Variants in DPP9 observed in about 807,000 individuals in gnomAD.
DPP9 encodes the protein dipeptidyl peptidase IV-related protein-2.
A neutral mutation model predicts 110.7 loss-of-function variants in DPP9; 50 were observed. The ratio of observed to expected loss-of-function variants is 0.45; its 90% CI spans 0.36 to 0.57. The LOEUF is 0.57. Among genes scored for constraint, DPP9 ranks in the 20% least tolerant of loss-of-function variants. The pLI, the probability that DPP9 is intolerant of heterozygous loss-of-function variation, is 0.00. For synonymous variants in DPP9, 561 were observed against 514.4 expected, an observed-to-expected ratio of 1.09 and a Z score of -1.23; for missense variants, 1,022 against 1,217.9, an observed-to-expected ratio of 0.84 and a Z score of 2.39.
In DPP9 at chr19:4,689,759, G is replaced by C. The variant is rs373783218; in HGVS notation, c.1597-37C>G. The C allele has an allele frequency of 4.2e-5, 64 of 1,527,192 alleles. No homozygotes were observed. The highest frequency in any genetic ancestry group is 5.4e-5 in the Non-Finnish European group (61 of 1,131,770). The allele number at this position is 1,527,192 out of a possible 1,614,324, so 94.6% of individuals were successfully genotyped here. ...CAGGGGATCCTCGTGATGCGTCCCAGATGCCCCTGGGCCCACACCCCTCTC... is the reference window on the plus strand; with the variant it reads ...CAGGGGATCCTCGTGATGCGTCCCACATGCCCCTGGGCCCACACCCCTCTC... On this transcript the variant is annotated intron_variant, in intron 14 of 21. Coordinates refer to ENST00000262960, the MANE Select transcript of DPP9 (RefSeq NM_139159.5). The surrounding 1 kb of genome is among the most constrained non-coding windows in gnomAD (Gnocchi z 7.0).
chr19:4,710,993 C>T lies in DPP9; in HGVS notation c.313+3088G>A, dbSNP rs897193797. ...AGGCGACCCGACGATCTCATCTATG[C>T]GGAGTCAATCTGAATCTTTGTCCCG... On this transcript the variant is annotated intron_variant, in intron 4 of 21. Transcript: ENST00000262960. The surrounding 1 kb of genome is among the most constrained non-coding windows in gnomAD (Gnocchi z 5.6). 7.9e-5 allele frequency among the ~76,000 whole-genome samples: 12 copies of T among 152,162 alleles called. No homozygotes were observed. The highest frequency in any genetic ancestry group is 7.2e-4 in the Admixed American group (11 of 15,274).
rs1264753942 is a variant in DPP9, at chr19:4,701,953, C to G, written c.1012+74G>C. On this transcript the variant is annotated intron_variant, in intron 9 of 21. Transcript: ENST00000262960. ...CATGCAGCTCAGAGGGCCTGGGGGA[C>G]AGTGCACCTCACCAGCCATGCCCCA... The G allele has an allele frequency of 7.7e-6, 12 of 1,559,868 alleles. No homozygotes were observed. In the East Asian group the frequency reaches 2.2e-4, roughly 29 times the overall value.
At chr19:4,703,754 A>T in intron 7 of DPP9, 132 bp downstream of exon 7, 1 of 890,650 alleles carries the variant, frequency 1.1e-6, no homozygotes, top group Non-Finnish European at 1.7e-6. Flanking sequence ...ATGGTAGGCT[A>T]CAGAAGGTAT....
intron 14 of DPP9, 62 bp downstream of exon 14, chr19:4,690,814 TGA>T (rs2091252378): frequency 2.4e-6 from 3 of 1,268,132 alleles, no homozygotes; most frequent in South Asian, 1.2e-5. Context: ...CGTGTGTGTG[TGA>T]GTGTATGTGT....
intron 18 of DPP9, 148 bp from the exon 19 acceptor site, chr19:4,683,777 C>A: frequency 6.4e-7 from 1 of 1,562,712 alleles, no homozygotes; most frequent in East Asian, 2.4e-5. Flanking sequence ...GCCCTGCTAA[C>A]CCTGCCTGCT....
At position 4,684,904 on chromosome 19, in the gene DPP9, TG is replaced by T; in HGVS notation, c.2032-96del. 1 of 1,499,752 alleles carries T rather than the reference TG, an allele frequency of 6.7e-7. No homozygotes were observed. The highest frequency in any genetic ancestry group is 9.1e-7 in the Non-Finnish European group (1 of 1,104,890). The allele number at this position is 1,499,752 out of a possible 1,614,324, so 92.9% of individuals were successfully genotyped here. ...CGGTGGGCTGGGGACCGGGCCGGGCTGGGGCCTCAGAGCCTAATGAAAGCAC... is the reference window on the plus strand; with the variant it reads ...CGGTGGGCTGGGGACCGGGCCGGGCTGGGCCTCAGAGCCTAATGAAAGCAC... On this transcript the variant is annotated intron_variant, in intron 17 of 21. Coordinates refer to ENST00000262960, the MANE Select transcript of DPP9 (RefSeq NM_139159.5). The surrounding 1 kb of genome is among the most constrained non-coding windows in gnomAD (Gnocchi z 4.8).
rs767623481 is a variant in DPP9 at position 4,697,593 on chromosome 19, A to G, written c.1133T>C (p.Val378Ala). Residue 378 changes from valine (V) to alanine (A), a missense_variant, in exon 11 of 22, where the codon GTG (valine) becomes GCG (alanine). Physicochemically the swap from Val to Ala is moderately conservative, Grantham distance 64. Coordinates refer to ENST00000262960, the MANE Select transcript of DPP9 (RefSeq NM_139159.5). ...CCACCCGGCCCTGGCGATGTACTCC[A>G]CCTTCGGGAACAGCGAGCTGAAGGG... ...VQPFSSLFPK[V>A]EYIARAGWTR... The G allele has an allele frequency of 3.7e-6, 6 of 1,613,736 alleles. No homozygotes were observed. In the East Asian group the frequency reaches 1.3e-4, roughly 36 times the overall value.
chr19:4,723,179 C>A (rs571885954), intron 1 of DPP9, among the ~76,000 whole-genome samples: 1 of 152,228 alleles, frequency 6.6e-6, no homozygotes, highest in Admixed American at 6.5e-5. Context: ...GACCAAGCCT[C>A]GGGGCGAAGG....
In DPP9 at chr19:4,694,349, A is replaced by C. The variant is rs1056272241; in HGVS notation, c.1516+312T>G. On this transcript the variant is annotated intron_variant, in intron 13 of 21. Coordinates refer to ENST00000262960, the MANE Select transcript of DPP9 (RefSeq NM_139159.5). This position sits in a 1 kb window ranked among gnomAD's most constrained non-coding sequence, Gnocchi z 4.0. Reference sequence around the variant, plus strand: ...GTGGCTGTGGCTCAGTGCCAATAAAACTTTATTTATGAACACAGGTGGTGG... The same window carrying C: ...GTGGCTGTGGCTCAGTGCCAATAAACCTTTATTTATGAACACAGGTGGTGG... The C allele has an allele frequency of 2.0e-6, 1 of 494,086 alleles. No homozygotes were observed. Among genetic ancestry groups the C allele is most frequent in the Non-Finnish European group, 3.6e-6 (1 of 279,692 alleles). The allele number at this position is 494,086 out of a possible 1,614,324, so 30.6% of individuals were successfully genotyped here. A position where few individuals can be genotyped will look rare whatever the true frequency, so the allele number is the denominator to read the frequency against.
rs1210201182 is a variant in DPP9, at chr19:4,704,368, G to A, written c.427-64C>T. On this transcript the variant is annotated intron_variant, in intron 5 of 21. Coordinates refer to ENST00000262960, the MANE Select transcript of DPP9 (RefSeq NM_139159.5). The surrounding 1 kb of genome is among the most constrained non-coding windows in gnomAD (Gnocchi z 6.0). ...CAAAGAGGATCTCCCGCTGGCCAGG[G>A]CAGAGATCCTCGGGCTGGGGCATTC... 1 of 1,551,676 alleles carries A rather than the reference G, an allele frequency of 6.4e-7. No individual in the cohort carries two copies. Among genetic ancestry groups the A allele is most frequent in the Admixed American group, 1.8e-5 (1 of 57,136 alleles).
chr19:4,684,814 G>T lies in DPP9; in HGVS notation c.2032-5C>A, dbSNP rs774127172. 6.3e-7 allele frequency: 1 copy of T among 1,586,956 alleles called. No individual in the cohort carries two copies. Among genetic ancestry groups the T allele is most frequent in the South Asian group, 1.2e-5 (1 of 86,882 alleles). On this transcript the variant is annotated splice_region_variant and splice_polypyrimidine_tract_variant and intron_variant, in intron 17 of 21. Transcript: ENST00000262960. The surrounding 1 kb of genome is among the most constrained non-coding windows in gnomAD (Gnocchi z 4.8). ...GGAGTTATTCACCAGCTGCACCTGT[G>T]GGGAGGTGAGGGCCAGCAGTCCAGC...
rs2092974228 is a variant in DPP9 at position 4,714,302 on chromosome 19, G to A, written c.92C>T (p.Ala31Val). 2.6e-6 allele frequency: 4 copies of A among 1,536,742 alleles called. No individual in the cohort carries two copies. Among genetic ancestry groups the A allele is most frequent in the Non-Finnish European group, 3.5e-6 (4 of 1,144,874 alleles). The part of the protein sequence containing the change: ...SLNSEGAERM[A>V]TTGTPTADRG... The stretch of plus-strand genomic sequence containing the variant: ...GTCGGCCGTTGGGGTCCCGGTGGTG[G>A]CCATCCTCTCAGCCCCCTCGGAATT... Residue 31 changes from alanine to valine, a missense_variant, in exon 4 of 22, where the codon GCC (alanine) becomes GTC (valine). Ala to Val is a moderately conservative substitution (Grantham distance 64, BLOSUM62 0). This residue lies in a region of DPP9 where 810 missense variants were observed against 920.6 expected (regional missense o/e 0.88). Coordinates refer to ENST00000262960, the MANE Select transcript of DPP9 (RefSeq NM_139159.5).
chr19:4,707,256 A>C (rs2092629527), intron 4 of DPP9, among the ~76,000 whole-genome samples: 1 of 152,200 alleles, frequency 6.6e-6, no homozygotes, highest in East Asian at 1.9e-4. Context: ...TTACTGCGGA[A>C]GGCGCAATCA....
In DPP9 at chr19:4,722,560, G is replaced by A; in HGVS notation, c.-88-9C>T. On this transcript the variant is annotated splice_polypyrimidine_tract_variant and intron_variant, in intron 1 of 21. Transcript: ENST00000262960. ...AGGCGTGGGACACAGACCTTTATAG[G>A]ATAAACATGTCATGAATGTGGCAGG... 2 of 703,008 alleles carry A rather than the reference G, an allele frequency of 2.8e-6. No individual in the cohort carries two copies. Among genetic ancestry groups the A allele is most frequent in the Non-Finnish European group, 5.2e-6 (2 of 384,988 alleles). 43.5% of individuals were successfully genotyped at this position (703,008 alleles called of 1,614,324 possible).
intron 3 of DPP9, among the ~76,000 whole-genome samples, chr19:4,716,712 G>T (rs2093097091): frequency 1.3e-5 from 2 of 152,070 alleles, no homozygotes; most frequent in African/African-American, 4.8e-5. Flanking sequence ...ACTTGGGCTT[G>T]TGACAGCCCA....
intron 21 of DPP9, chr19:4,679,565 C>T (rs2089493250): frequency 2.1e-6 from 1 of 475,976 alleles, no homozygotes; most frequent in African/African-American, 2.2e-5. Flanking sequence ...TCCATTAGGC[C>T]CGGAGCAGGG....
chr19:4,689,785 C>T lies in DPP9; in HGVS notation c.1597-63G>A. ...ATGCCCCTGGGCCCACACCCCTCTC[C>T]ACGCCCCACAGGAGTGGGCCCCATG... On this transcript the variant is annotated intron_variant, in intron 14 of 21. Transcript: ENST00000262960. This position sits in a 1 kb window ranked among gnomAD's most constrained non-coding sequence, Gnocchi z 7.0. The T allele has an allele frequency of 1.3e-6, 2 of 1,487,652 alleles. No individual in the cohort carries two copies. Among genetic ancestry groups the T allele is most frequent in the South Asian group, 2.6e-5 (2 of 76,858 alleles). 92.2% of individuals were successfully genotyped at this position (1,487,652 alleles called of 1,614,324 possible). A position where few individuals can be genotyped will look rare whatever the true frequency, so the allele number is the denominator to read the frequency against.
rs375442012 is a variant in DPP9, at chr19:4,689,544, G to T, written c.1749+26C>A. On this transcript the variant is annotated intron_variant, in intron 15 of 21. Coordinates refer to ENST00000262960, the MANE Select transcript of DPP9 (RefSeq NM_139159.5). The surrounding 1 kb of genome is among the most constrained non-coding windows in gnomAD (Gnocchi z 7.0). ...GGGAGCTGTTGGACGGGCACAGGGC[G>T]GTGCCGTGAGGCTGGGCGGTCCCAC... 5.8e-6 allele frequency: 9 copies of T among 1,542,198 alleles called. No individual in the cohort carries two copies. In the African/African-American group the frequency reaches 1.2e-4, roughly 21 times the overall value.
rs10425839 is a variant in DPP9 at position 4,676,128 on chromosome 19, T to G, written c.*436A>C. On this transcript the variant is annotated 3_prime_UTR_variant, in exon 22 of 22. Coordinates refer to ENST00000262960, the MANE Select transcript of DPP9 (RefSeq NM_139159.5). The surrounding 1 kb of genome is among the most constrained non-coding windows in gnomAD (Gnocchi z 4.0). ...CCCAAACAAAACACAAACATCAAGT[T>G]GGGGAGGCTGGCCGGGGGGGACAGG... 0.38 allele frequency: 65,882 copies of G among 173,446 alleles called. 14,648 individuals carry two copies. The highest frequency in any genetic ancestry group is 0.63 in the African/African-American group (26,217 of 41,940). The allele number at this position is 173,446 out of a possible 1,614,324, so 10.7% of individuals were successfully genotyped here.
Sources: allele counts gnomAD v4.1 joint callset (sites outside exome capture counted in the v4.1 genomes callset), GRCh38; gene constraint gnomAD v4.1.1; regional missense constraint gnomAD v4.1.1; non-coding constraint Gnocchi (gnomAD v3.1); transcripts MANE v1.5; gene names NCBI Gene and HGNC (gene_info 2026-07-23, HGNC 2026-07-21).